Variants in SPHKAP observed in about 807,000 individuals in gnomAD.
SPHKAP encodes SPHK1 interactor, AKAP domain containing, also known as A-kinase anchor protein SPHKAP.
A neutral mutation model predicts 137.5 loss-of-function variants in SPHKAP; 67 were observed. That is an observed-to-expected ratio of 0.49 (90% CI 0.40 to 0.60). The LOEUF (loss-of-function observed/expected upper bound fraction) is 0.60, where lower values mean the gene tolerates loss of function less well. Ranked by LOEUF, SPHKAP falls within the 20% of genes least tolerant of loss-of-function variation. The pLI is 0.00. For synonymous variants in SPHKAP, 813 were observed against 785.3 expected (o/e 1.04, Z -0.59); for missense variants, 2,097 against 2,069.3 (o/e 1.01, Z -0.26).
At position 228,146,730 on chromosome 2, in the gene SPHKAP, A is replaced by G. The variant is rs1178407801; in HGVS notation, c.33-14645T>C. Among the ~76,000 whole-genome samples the G allele has an allele frequency of 2.0e-5, 3 of 152,166 alleles. No homozygotes were observed. In the East Asian group the frequency reaches 5.8e-4, roughly 29 times the overall value. Reference sequence around the variant, plus strand: ...CACGCGTGTTCCCGCAAAAGACACGACCTTGTTCTTTGTTAACGACTGCAT... The same window carrying G: ...CACGCGTGTTCCCGCAAAAGACACGGCCTTGTTCTTTGTTAACGACTGCAT... On this transcript the variant is annotated intron_variant, in intron 1 of 11. Transcript: ENST00000392056.
chr2:228,090,303 T>C (rs979319964), intron 3 of SPHKAP, among the ~76,000 whole-genome samples: 2 of 152,184 alleles, frequency 1.3e-5, no homozygotes, highest in African/African-American at 2.4e-5. Flanking sequence ...ACCCCCTTCT[T>C]TTGGACAATT....
In SPHKAP at chr2:227,987,396, G is replaced by T. The variant is rs142548291; in HGVS notation, c.4959+3604C>A. Among the ~76,000 whole-genome samples, 628 of 152,158 alleles carry T rather than the reference G, an allele frequency of 4.1e-3. 3 individuals are homozygous for T. Among genetic ancestry groups the T allele is most frequent in the African/African-American group, 0.015 (605 of 41,504 alleles). On this transcript the variant is annotated intron_variant, in intron 11 of 11. Coordinates refer to ENST00000392056, the MANE Select transcript of SPHKAP (RefSeq NM_001142644.2). ...CTCCGTTTATATTCTTCTTACCTTT[G>T]GTCTGTTCTAAATTAGAATGTAAAA...
At chr2:228,020,209 TA>T in intron 6 of SPHKAP, 53 bp from the exon 7 acceptor site, 29 of 1,520,578 alleles carry the variant, frequency 1.9e-5, no homozygotes, top group Non-Finnish European at 2.5e-5. Context: ...CAGGTTACCA[TA>T]AGTCTTAAGT....
At chr2:228,160,258 G>A (rs187269365) in intron 1 of SPHKAP, among the ~76,000 whole-genome samples, 9 of 152,228 alleles carry the variant, frequency 5.9e-5, no homozygotes. Context: ...AGTACCTTCT[G>A]AATGAAATAC....
intron 2 of SPHKAP, among the ~76,000 whole-genome samples, chr2:228,126,312 C>T (rs1699074823): frequency 6.6e-6 from 1 of 152,112 alleles, no homozygotes; most frequent in Admixed American, 6.6e-5. Flanking sequence ...ATTAGGGTGA[C>T]ATAGAGGTTA....
At chr2:228,088,919 T>C (rs772613932) in intron 3 of SPHKAP, among the ~76,000 whole-genome samples, 3 of 152,148 alleles carry the variant, frequency 2.0e-5, no homozygotes, top group Non-Finnish European at 4.4e-5. Flanking sequence ...AATTACCTAG[T>C]CTCAAGTATT....
intron 1 of SPHKAP, among the ~76,000 whole-genome samples, chr2:228,149,095 A>C (rs1231359024): frequency 2.0e-5 from 3 of 152,166 alleles, no homozygotes; most frequent in African/African-American, 4.8e-5. Flanking sequence ...TGTTTTATGA[A>C]TATCTAGATA....
At chr2:228,156,871 A>G in intron 1 of SPHKAP, among the ~76,000 whole-genome samples, 1 of 152,096 alleles carries the variant, frequency 6.6e-6, no homozygotes, top group Non-Finnish European at 1.5e-5. Flanking sequence ...TTCTGCCATG[A>G]TTGTGAGGCC....
intron 7 of SPHKAP, among the ~76,000 whole-genome samples, chr2:228,007,866 A>G (rs2106192457): frequency 6.6e-6 from 1 of 152,270 alleles, no homozygotes; most frequent in South Asian, 2.1e-4. Context: ...CATAGAGAAG[A>G]CTAAAAATGG....
intron 7 of SPHKAP, among the ~76,000 whole-genome samples, chr2:228,002,006 T>G (rs1460649930): frequency 2.0e-5 from 3 of 152,212 alleles, no homozygotes; most frequent in Non-Finnish European, 4.4e-5. Flanking sequence ...TCTTTGCTAT[T>G]GTGAGTAGTG....
At chr2:228,126,365 G>A (rs1699076609) in intron 2 of SPHKAP, among the ~76,000 whole-genome samples, 2 of 152,118 alleles carry the variant, frequency 1.3e-5, no homozygotes, top group South Asian at 4.1e-4. Context: ...TTTGTTTAGA[G>A]CTTTGTAATA....
chr2:228,126,085 CAACA>C (rs1296189189), intron 2 of SPHKAP, among the ~76,000 whole-genome samples: 1 of 151,922 alleles, frequency 6.6e-6, no homozygotes, highest in African/African-American at 2.4e-5. Context: ...TCAACAACAA[CAACA>C]AAAAGGAGTG....
At chr2:227,992,495 C>T (rs1209115107) in intron 9 of SPHKAP, among the ~76,000 whole-genome samples, 3 of 152,028 alleles carry the variant, frequency 2.0e-5, no homozygotes, top group Non-Finnish European at 2.9e-5. Context: ...GTCATAGGCT[C>T]ATATTGCAGA....
intron 2 of SPHKAP, among the ~76,000 whole-genome samples, chr2:228,113,704 G>A (rs781546052): frequency 6.1e-5 from 9 of 148,514 alleles, no homozygotes; most frequent in Non-Finnish European, 1.3e-4. Context: ...CTTGTTAACT[G>A]TGTAGTTAAG....
chr2:228,019,950 A>G lies in SPHKAP; in HGVS notation c.904T>C (p.Ser302Pro), dbSNP rs1157853312. The change falls in exon 7 of 12, where the codon TCA becomes CCA. Residue 302 changes from serine (S) to proline (P), a missense_variant. By Grantham distance (74) the Ser-to-Pro change is moderately conservative. Coordinates refer to ENST00000392056, the MANE Select transcript of SPHKAP (RefSeq NM_001142644.2). ...KNTALQSLDP[S>P]AKPSQWKREA... ...CTTTTCCACTGTGATGGCTTGGCTG[A>G]GGGATCTAGACTCTGCAAGGCTGTG... The G allele has an allele frequency of 6.2e-7, 1 of 1,614,204 alleles. No homozygotes were observed. Among genetic ancestry groups the G allele is most frequent in the Non-Finnish European group, 8.5e-7 (1 of 1,180,034 alleles).
intron 3 of SPHKAP, among the ~76,000 whole-genome samples, chr2:228,063,962 C>T (rs1468185973): frequency 6.6e-6 from 1 of 152,198 alleles, no homozygotes; most frequent in Non-Finnish European, 1.5e-5. Context: ...ATTCTCCATA[C>T]TATGGTTTTG....
chr2:228,139,520 A>C (rs765999387), intron 1 of SPHKAP, among the ~76,000 whole-genome samples: 14 of 152,224 alleles, frequency 9.2e-5, no homozygotes, highest in African/African-American at 3.4e-4. Flanking sequence ...TCTCTCATTA[A>C]GAAGACAATA....
In SPHKAP at chr2:227,991,177, T is replaced by A. The variant is rs149496297; in HGVS notation, c.4782A>T (p.Ala1594=). 2 of 1,614,106 alleles carry A rather than the reference T, an allele frequency of 1.2e-6. No individual in the cohort carries two copies. Among genetic ancestry groups the A allele is most frequent in the South Asian group, 2.2e-5 (2 of 91,074 alleles). Residue 1594 remains alanine, a synonymous_variant, in exon 11 of 12, where the codon GCA becomes GCT. Transcript: ENST00000392056. ...KGQSESTEAP[A]SGPPTGTASP... is the part of the protein sequence containing the mutation. ...TGGCTGTTCCCGTAGGCGGTCCAGA[T>A]GCAGGTGCTGAGAACAGACACAACC... is the stretch of plus-strand genomic sequence containing the variant.
chr2:228,101,075 T>G (rs1698170093), intron 3 of SPHKAP, among the ~76,000 whole-genome samples: 1 of 152,172 alleles, frequency 6.6e-6, no homozygotes, highest in African/African-American at 2.4e-5. Context: ...CCCTAAAATG[T>G]CTATCTCTTG....
Sources: allele counts gnomAD v4.1 joint callset (sites outside exome capture counted in the v4.1 genomes callset), GRCh38; gene constraint gnomAD v4.1.1; transcripts MANE v1.5; gene names NCBI Gene and HGNC (gene_info 2026-07-23, HGNC 2026-07-21).